The following VWA5B1 variants were observed in gnomAD, a reference collection of about 807,000 sequenced individuals.
VWA5B1 encodes von Willebrand factor A domain-containing protein 5B1.
A neutral mutation model predicts 118.2 loss-of-function variants in VWA5B1; 115 were observed. The observed-to-expected ratio is 0.97, with a 90% CI of 0.84 to 1.14. VWA5B1 has a LOEUF of 1.14. VWA5B1 is among the 50% of genes most tolerant of loss of function. The pLI is 0.00. For synonymous variants in VWA5B1, 682 were observed against 658.4 expected (o/e 1.04, Z -0.55); for missense variants, 1,596 against 1,603.8 (o/e 1.00, Z 0.08).
chr1:20,310,568 T>G lies in VWA5B1; in HGVS notation c.-26-8T>G, dbSNP rs760774938. ...CTTCCCACTTCCTGCCCTTCCTGTG[T>G]CTCACAGGTTCTGAAGGCTGAGTAG... On this transcript the variant is annotated splice_region_variant and splice_polypyrimidine_tract_variant and intron_variant, in intron 1 of 21. Transcript: ENST00000289815. 1.3e-6 allele frequency: 2 copies of G among 1,490,998 alleles called. No individual in the cohort carries two copies. Among genetic ancestry groups the G allele is most frequent in the African/African-American group, 2.8e-5 (2 of 71,182 alleles). The allele number at this position is 1,490,998 out of a possible 1,614,324, so 92.4% of individuals were successfully genotyped here.
In VWA5B1 at chr1:20,358,408, C is replaced by G. The variant is rs1250747405; in HGVS notation, c.*4145C>G. ...CTTATTTGAGGGCCATGCTACTGTT[C>G]CCCTTCTCTCTTCCTTGGCAGGGAC... On this transcript the variant is annotated 3_prime_UTR_variant, in exon 22 of 22. Coordinates refer to ENST00000289815, the MANE Select transcript of VWA5B1 (RefSeq NM_001039500.3). 1.3e-5 allele frequency among the ~76,000 whole-genome samples: 2 copies of G among 152,220 alleles called. No individual in the cohort carries two copies. The highest frequency in any genetic ancestry group is 2.9e-5 in the Non-Finnish European group (2 of 68,044).
chr1:20,296,394 T>C (rs2088407804), intron 1 of VWA5B1, among the ~76,000 whole-genome samples: 1 of 152,094 alleles, frequency 6.6e-6, no homozygotes, highest in Non-Finnish European at 1.5e-5. Flanking sequence ...TTGTGGGAGT[T>C]AGTGAGGCCA....
At chr1:20,294,171 CA>C (rs2088362771) in intron 1 of VWA5B1, 1 of 152,208 alleles carries the variant, frequency 6.6e-6, no homozygotes, top group South Asian at 2.1e-4. Flanking sequence ...AAATAACACT[CA>C]GGAGAAGAAC....
chr1:20,333,655 A>G (rs566328159), intron 12 of VWA5B1, among the ~76,000 whole-genome samples: 2 of 152,248 alleles, frequency 1.3e-5, no homozygotes, highest in Non-Finnish European at 2.9e-5. Flanking sequence ...GTAAGCGCGT[A>G]TCTCCTTAGA....
chr1:20,318,377 G>T (rs527883863), intron 5 of VWA5B1: 1 of 668,578 alleles, frequency 1.5e-6, no homozygotes, highest in East Asian at 2.9e-5. Context: ...TGAGTTCAGA[G>T]CAGGAAGAGT....
At chr1:20,303,061 GA>G (rs1434065233) in intron 1 of VWA5B1, 2 of 152,244 alleles carry the variant, frequency 1.3e-5, no homozygotes, top group Non-Finnish European at 2.9e-5. Context: ...CAGATCCAGA[GA>G]ACCTACCGAC....
At position 20,330,389 on chromosome 1, in the gene VWA5B1, C is replaced by G. The variant is rs775870284; in HGVS notation, c.1457+7C>G. 3.2e-6 allele frequency: 5 copies of G among 1,551,518 alleles called. No homozygotes were observed. In the South Asian group the frequency reaches 5.9e-5, roughly 18 times the overall value. On this transcript the variant is annotated splice_region_variant and intron_variant, in intron 10 of 21. Transcript: ENST00000289815. ...ATCACGCCTTCTCCACCAGGTCGGC[C>G]TTGGCTGAGGGTCTAGGCTCGGTGA...
At chr1:20,326,374 G>A (rs973969021) in intron 8 of VWA5B1, among the ~76,000 whole-genome samples, 1 of 152,022 alleles carries the variant, frequency 6.6e-6, no homozygotes, top group African/African-American at 2.4e-5. Context: ...AAACAAGATG[G>A]GGGACATGGG....
At position 20,314,597 on chromosome 1, in the gene VWA5B1, G is replaced by T. The variant is rs2088948208; in HGVS notation, c.563+5G>T. On this transcript the variant is annotated splice_donor_5th_base_variant and intron_variant, in intron 4 of 21. Coordinates refer to ENST00000289815, the MANE Select transcript of VWA5B1 (RefSeq NM_001039500.3). ...CTCCAACCAACAGGCCCAGGGGTAA[G>T]GAAGCCCTGCCCAGACCAATCAGAG... 6.4e-7 allele frequency: 1 copy of T among 1,550,890 alleles called. No individual in the cohort carries two copies. Among genetic ancestry groups the T allele is most frequent in the Non-Finnish European group, 8.7e-7 (1 of 1,146,746 alleles).
chr1:20,310,921 G>C (rs2088830069), intron 2 of VWA5B1, among the ~76,000 whole-genome samples, 181 bp downstream of exon 2: 1 of 152,196 alleles, frequency 6.6e-6, no homozygotes, highest in Non-Finnish European at 1.5e-5. Flanking sequence ...TAGCAAGGAG[G>C]GTCAGGATTT....
chr1:20,333,688 A>G (rs1053628811), intron 12 of VWA5B1, among the ~76,000 whole-genome samples: 4 of 152,358 alleles, frequency 2.6e-5, no homozygotes, highest in East Asian at 1.9e-4. Context: ...TTATTTCTTT[A>G]CGTGGATGAT....
At chr1:20,312,777 GC>G in intron 2 of VWA5B1, 58 bp from the exon 3 acceptor site, 1 of 1,484,494 alleles carries the variant, frequency 6.7e-7, no homozygotes, top group Non-Finnish European at 9.0e-7. Flanking sequence ...TTCCTTCCAG[GC>G]AAGGGGTGTG....
chr1:20,317,747 GGGGT>G, intron 5 of VWA5B1, 72 bp downstream of exon 5: 71 of 1,411,902 alleles, frequency 5.0e-5, no homozygotes, highest in Non-Finnish European at 6.4e-5. Flanking sequence ...GGATGGGACG[GGGGT>G]GGGAAGGAAA....
rs2088941792 is a variant in VWA5B1, at chr1:20,314,463, T to C, written c.434T>C (p.Ile145Thr). Residue 145 changes from isoleucine to threonine, a missense_variant, in exon 4 of 22, where the codon ATC becomes ACC. Transcript: ENST00000289815. ...IAPMENVTIF[I>T]STSSELPTLP... Reference sequence around the variant, plus strand: ...CCCATGGAGAATGTCACCATCTTCATCAGCACCTCCTCGGAGCTCCCAACG... The same window carrying C: ...CCCATGGAGAATGTCACCATCTTCACCAGCACCTCCTCGGAGCTCCCAACG... 1 of 1,551,790 alleles carries C rather than the reference T, an allele frequency of 6.4e-7. No homozygotes were observed. The highest frequency in any genetic ancestry group is 2.4e-5 in the East Asian group (1 of 40,902).
chr1:20,349,117 G>A, intron 18 of VWA5B1: 1 of 388,250 alleles, frequency 2.6e-6, no homozygotes, highest in Non-Finnish European at 5.3e-6. Context: ...AGTGCTCACA[G>A]ACATTGATGG....
At chr1:20,348,990 C>T (rs548225923) in intron 18 of VWA5B1, 18 of 239,726 alleles carry the variant, frequency 7.5e-5, no homozygotes, top group South Asian at 1.5e-4. Context: ...GGTTCCCTCA[C>T]GTGCACAGGG....
chr1:20,314,544 C>A lies in VWA5B1; in HGVS notation c.515C>A (p.Pro172His). The A allele has an allele frequency of 6.4e-7, 1 of 1,551,654 alleles. No individual in the cohort carries two copies. ...LLPAVCAPTV[P>H]QFCTKSTGTS... ...CCTGCTGTCTGTGCCCCAACCGTGC[C>A]CCAGTTCTGCACCAAGAGCACTGGC... Residue 172 changes from proline (P) to histidine (H), a missense_variant, in exon 4 of 22, where the codon CCC becomes CAC. Coordinates refer to ENST00000289815, the MANE Select transcript of VWA5B1 (RefSeq NM_001039500.3).
chr1:20,318,548 C>A, intron 5 of VWA5B1, 42 bp from the exon 6 acceptor site: 1 of 1,549,830 alleles, frequency 6.5e-7, no homozygotes, highest in South Asian at 1.2e-5. Context: ...TCTCTCCTGA[C>A]CTCATGAGCC....
In VWA5B1 at chr1:20,358,780, G is replaced by T. The variant is rs2090273112; in HGVS notation, c.*4517G>T. ...AGACTAGAGAAGTCAACAGAAAAAA[G>T]ATGGACACATTCTTCAGCTGTAACA... On this transcript the variant is annotated 3_prime_UTR_variant, in exon 22 of 22. Transcript: ENST00000289815. Among the ~76,000 whole-genome samples the T allele has an allele frequency of 1.3e-5, 2 of 152,230 alleles. No individual in the cohort carries two copies. Among genetic ancestry groups the T allele is most frequent in the Non-Finnish European group, 2.9e-5 (2 of 68,044 alleles).
Sources: allele counts gnomAD v4.1 joint callset (sites outside exome capture counted in the v4.1 genomes callset), GRCh38; gene constraint gnomAD v4.1.1; transcripts MANE v1.5; gene names NCBI Gene and HGNC (gene_info 2026-07-23, HGNC 2026-07-21).